The following PUM2 variants were observed in gnomAD, a reference collection of about 807,000 sequenced individuals.
The protein encoded by PUM2 is pumilio homolog 2.
PUM2 carries 57 observed loss-of-function variants against 124.5 expected under a neutral mutation model. That is an observed-to-expected ratio of 0.46 (90% CI 0.37 to 0.57). PUM2 has a LOEUF of 0.57. Among genes scored for constraint, PUM2 ranks in the 20% least tolerant of loss-of-function variants. PUM2 has a pLI of 0.00. For missense variants in PUM2, 1,065 were observed against 1,290.6 expected (o/e 0.83, Z 2.68); for synonymous variants, 460 against 446.1 (o/e 1.03, Z -0.39).
intron 13 of PUM2, among the ~76,000 whole-genome samples, chr2:20,272,004 C>T (rs1669123003): frequency 6.6e-6 from 1 of 152,078 alleles, no homozygotes; most frequent in Admixed American, 6.6e-5. Context: ...ACTAAAAATA[C>T]AGAAATTAGC....
At chr2:20,318,719 A>T in intron 2 of PUM2, 74 bp from the exon 3 acceptor site, 1 of 1,027,108 alleles carries the variant, frequency 9.7e-7, no homozygotes, top group South Asian at 1.4e-5. Context: ...TCTCAAACAT[A>T]TCACTGCTAT....
intron 13 of PUM2, among the ~76,000 whole-genome samples, chr2:20,271,859 T>C (rs1465432158): frequency 3.3e-5 from 5 of 152,110 alleles, no homozygotes; most frequent in Admixed American, 3.3e-4. Context: ...GGATAGGTAT[T>C]AGAAATAAAA....
At chr2:20,311,757 A>G (rs1679657600) in intron 4 of PUM2, 94 bp from the exon 5 acceptor site, 4 of 1,228,378 alleles carry the variant, frequency 3.3e-6, no homozygotes, top group Non-Finnish European at 4.5e-6. Context: ...CAGTGCATGT[A>G]AACAATAAAA....
Position 20,258,387 on chromosome 2 carries a change from T to C in PUM2, c.2356-16A>G, listed in dbSNP as rs767281903. 10 of 1,607,972 alleles carry C rather than the reference T, an allele frequency of 6.2e-6. No homozygotes were observed. Among genetic ancestry groups the C allele is most frequent in the South Asian group, 2.2e-5 (2 of 90,176 alleles). On this transcript the variant is annotated splice_polypyrimidine_tract_variant and intron_variant, in intron 15 of 20. Transcript: ENST00000361078. The stretch of plus-strand genomic sequence containing the variant: ...GACTCCCAAACTGACAGAAAAGATA[T>C]AACATTAATAACAAGTGACCTTAAT...
intron 1 of PUM2, among the ~76,000 whole-genome samples, chr2:20,329,898 G>A (rs1227011636): frequency 6.6e-6 from 1 of 152,022 alleles, no homozygotes; most frequent in Non-Finnish European, 1.5e-5. Flanking sequence ...GAATGAACAG[G>A]ATGGTAAAAA....
At chr2:20,279,655 T>C (rs186136940) in intron 12 of PUM2, among the ~76,000 whole-genome samples, 2 of 152,302 alleles carry the variant, frequency 1.3e-5, no homozygotes, top group African/African-American at 4.8e-5. Flanking sequence ...ATATCAAATG[T>C]AACTATTATC....
intron 10 of PUM2, among the ~76,000 whole-genome samples, chr2:20,284,805 A>G (rs1672348985): frequency 6.6e-6 from 1 of 152,222 alleles, no homozygotes; most frequent in African/African-American, 2.4e-5. Flanking sequence ...CAAATATAAT[A>G]AACAGTGCTC....
At chr2:20,349,969 G>A (rs1688983580) in intron 1 of PUM2, among the ~76,000 whole-genome samples, 1 of 152,156 alleles carries the variant, frequency 6.6e-6, no homozygotes, top group Non-Finnish European at 1.5e-5. Flanking sequence ...CCCAAAACCT[G>A]ACCCAATTCA....
intron 1 of PUM2, among the ~76,000 whole-genome samples, chr2:20,344,982 C>CAAAAAAAAA (rs762460030): frequency 1.4e-4 from 9 of 66,212 alleles, no homozygotes; most frequent in Non-Finnish European, 1.7e-4. Context: ...GACTCTGTCT[C>CAAAAAAAAA]AAAAAAAAAA....
rs79706905 is a variant in PUM2 at position 20,301,120 on chromosome 2, C to A, written c.884-3442G>T. On this transcript the variant is annotated intron_variant, in intron 7 of 20. Coordinates refer to ENST00000361078, the MANE Select transcript of PUM2 (RefSeq NM_015317.5). Reference sequence around the variant, plus strand: ...CATATTGACTGATATCTCAAGTCTTCTTAAAATGTATAAAACTAAATTGTG... The same window carrying A: ...CATATTGACTGATATCTCAAGTCTTATTAAAATGTATAAAACTAAATTGTG... Among the ~76,000 whole-genome samples the A allele has an allele frequency of 5.6e-3, 852 of 152,294 alleles. 36 individuals carry two copies. The East Asian group carries it at 0.095, about 17-fold the overall frequency.
At chr2:20,343,958 A>G (rs1558690882) in intron 1 of PUM2, among the ~76,000 whole-genome samples, 2 of 152,132 alleles carry the variant, frequency 1.3e-5, no homozygotes, top group Admixed American at 6.5e-5. Flanking sequence ...AAAAAAAGCA[A>G]TTTCTTAGAT....
intron 9 of PUM2, 47 bp from the exon 10 acceptor site, chr2:20,290,837 T>C (rs1474320890): frequency 2.2e-6 from 3 of 1,393,900 alleles, no homozygotes; most frequent in African/African-American, 2.9e-5. Context: ...AAATAATAGA[T>C]AAGTAAATTT....
chr2:20,331,929 C>T (rs574738903), intron 1 of PUM2: 4 of 152,246 alleles, frequency 2.6e-5, no homozygotes, highest in East Asian at 3.9e-4. Flanking sequence ...CTCTGTAGCA[C>T]GAAAGCACCT....
At chr2:20,292,658 C>T (rs975362281) in intron 9 of PUM2, among the ~76,000 whole-genome samples, 3 of 152,178 alleles carry the variant, frequency 2.0e-5, no homozygotes, top group Non-Finnish European at 4.4e-5. Flanking sequence ...AGGCTGGGCG[C>T]AGTGGCTCAC....
intron 1 of PUM2, among the ~76,000 whole-genome samples, chr2:20,336,055 A>C (rs1558673607): frequency 6.6e-6 from 1 of 152,250 alleles, no homozygotes. Flanking sequence ...CTACACACTA[A>C]ACAGCCTCAA....
chr2:20,288,646 G>A (rs1031141929), intron 10 of PUM2, among the ~76,000 whole-genome samples: 2 of 152,284 alleles, frequency 1.3e-5, no homozygotes, highest in African/African-American at 4.8e-5. Flanking sequence ...ACAGTAACTA[G>A]GGATCTGATA....
chr2:20,331,085 C>G (rs1174761170), intron 1 of PUM2, among the ~76,000 whole-genome samples: 1 of 151,800 alleles, frequency 6.6e-6, no homozygotes, highest in East Asian at 1.9e-4. Flanking sequence ...GCTAACACAG[C>G]CCTGGCACAC....
intron 9 of PUM2, among the ~76,000 whole-genome samples, chr2:20,292,703 G>A (rs1431268456): frequency 6.6e-6 from 1 of 152,172 alleles, no homozygotes; most frequent in Non-Finnish European, 1.5e-5. Flanking sequence ...GGCCAAGGCA[G>A]GCGGATCACC....
At chr2:20,321,374 G>A (rs1682323620) in intron 2 of PUM2, among the ~76,000 whole-genome samples, 2 of 152,178 alleles carry the variant, frequency 1.3e-5, no homozygotes, top group South Asian at 4.1e-4. Context: ...CACTTACCAA[G>A]TGTGTCTACT....
Sources: allele counts gnomAD v4.1 joint callset (sites outside exome capture counted in the v4.1 genomes callset), GRCh38; gene constraint gnomAD v4.1.1; transcripts MANE v1.5; gene names NCBI Gene and HGNC (gene_info 2026-07-23, HGNC 2026-07-21).